ARHGAP44: variants seen among roughly 807,000 people sequenced by gnomAD.
ARHGAP44 encodes the protein Rho GTPase activating protein 44.
A neutral mutation model predicts 106.8 loss-of-function variants in ARHGAP44; 43 were observed. The observed-to-expected ratio is 0.40, with a 90% CI of 0.32 to 0.52. The LOEUF (loss-of-function observed/expected upper bound fraction) is 0.52, where lower values mean the gene tolerates loss of function less well. ARHGAP44 is among the 20% of genes least tolerant of loss of function. The probability of loss-of-function intolerance (pLI) is 0.48; values close to 1 mark genes in which losing one functional copy is unlikely to be tolerated. For synonymous variants in ARHGAP44, 439 were observed against 410.3 expected, an observed-to-expected ratio of 1.07 and a Z score of -0.85; for missense variants, 866 against 1,050.5, an observed-to-expected ratio of 0.82 and a Z score of 2.43.
chr17:12,850,530 C>T (rs1294379209), intron 1 of ARHGAP44, among the ~76,000 whole-genome samples: 1 of 152,142 alleles, frequency 6.6e-6, no homozygotes, highest in African/African-American at 2.4e-5. Context: ...CTTTCTCTTG[C>T]TCTGGCAAAG....
rs1417307080 is a variant in ARHGAP44, at chr17:12,841,594, T to TCTCTCTCTCTCTCACACACACACA, written c.53+51704_53+51705insTCTCTCTCTCTCACACACACACAC. 3.2e-4 allele frequency among the ~76,000 whole-genome samples: 41 copies of TCTCTCTCTCTCTCACACACACACA among 126,566 alleles called. 1 individual carries two copies. Among genetic ancestry groups the TCTCTCTCTCTCTCACACACACACA allele is most frequent in the East Asian group, 2.6e-3 (10 of 3,822 alleles). 83.0% of individuals were successfully genotyped at this position (126,566 alleles called of 152,430 possible). ...GAGACCCTGTCTCTCTGTCTCTCTC[T>TCTCTCTCTCTCTCACACACACACA]CACACACACACACACACACACACAC... On this transcript the variant is annotated intron_variant, in intron 1 of 20. Coordinates refer to ENST00000379672, the MANE Select transcript of ARHGAP44 (RefSeq NM_014859.6).
intron 1 of ARHGAP44, among the ~76,000 whole-genome samples, chr17:12,814,851 A>C (rs1294870708): frequency 2.0e-5 from 3 of 152,142 alleles, no homozygotes; most frequent in African/African-American, 7.2e-5. Flanking sequence ...AAAAAACCCC[A>C]AAAAACCCCC....
At chr17:12,930,783 A>G (rs1210487595) in intron 7 of ARHGAP44, among the ~76,000 whole-genome samples, 4 of 152,196 alleles carry the variant, frequency 2.6e-5, no homozygotes, top group South Asian at 2.1e-4. Context: ...GTTCAGCATA[A>G]TGAGTTAAAA....
At chr17:12,952,682 C>G (rs907277009) in intron 13 of ARHGAP44, 101 bp downstream of exon 13, 2 of 687,744 alleles carry the variant, frequency 2.9e-6, no homozygotes, top group African/African-American at 3.7e-5. Flanking sequence ...CCATGCATAG[C>G]ATTTTATGAT....
intron 8 of ARHGAP44, among the ~76,000 whole-genome samples, chr17:12,942,721 C>T (rs1261178502): frequency 6.6e-6 from 1 of 152,214 alleles, no homozygotes; most frequent in Non-Finnish European, 1.5e-5. Flanking sequence ...TTAATTTCCT[C>T]TGTTTTCCTT....
chr17:12,855,719 G>A (rs1244344643), intron 1 of ARHGAP44, among the ~76,000 whole-genome samples: 1 of 152,100 alleles, frequency 6.6e-6, no homozygotes, highest in African/African-American at 2.4e-5. Flanking sequence ...AAAATTGAGT[G>A]TCTGTCTACA....
At chr17:12,825,261 C>T (rs1322389700) in intron 1 of ARHGAP44, among the ~76,000 whole-genome samples, 1 of 152,090 alleles carries the variant, frequency 6.6e-6, no homozygotes, top group Non-Finnish European at 1.5e-5. Flanking sequence ...TGGTCTCGAT[C>T]TCCTGGACTC....
chr17:12,945,405 T>C (rs8076914), intron 10 of ARHGAP44, among the ~76,000 whole-genome samples: 18,311 of 152,220 alleles, frequency 0.12, 1,726 homozygotes, highest in African/African-American at 0.27. Context: ...TATTTTAATA[T>C]CTTTACTCCG....
intron 1 of ARHGAP44, among the ~76,000 whole-genome samples, chr17:12,882,205 G>T (rs190144197): frequency 2.4e-4 from 37 of 152,068 alleles, no homozygotes; most frequent in African/African-American, 7.7e-4. Context: ...TGAAGACATT[G>T]CTCATCTTTT....
chr17:12,847,784 C>T (rs1307611879), intron 1 of ARHGAP44, among the ~76,000 whole-genome samples: 2 of 151,886 alleles, frequency 1.3e-5, no homozygotes, highest in East Asian at 1.9e-4. Flanking sequence ...GGATTACAGG[C>T]GTGAGCCACC....
At chr17:12,936,276 G>A (rs1267871568) in intron 7 of ARHGAP44, among the ~76,000 whole-genome samples, 3 of 152,290 alleles carry the variant, frequency 2.0e-5, no homozygotes, top group East Asian at 3.9e-4. Context: ...TTTGACAAAT[G>A]TATGTGAATG....
At chr17:12,953,634 A>T (rs1454375984) in intron 13 of ARHGAP44, among the ~76,000 whole-genome samples, 1 of 152,242 alleles carries the variant, frequency 6.6e-6, no homozygotes, top group Admixed American at 6.5e-5. Flanking sequence ...CCGTCTACAG[A>T]TAAGTGGATA....
At chr17:12,921,521 AT>A (rs1365145458) in intron 6 of ARHGAP44, among the ~76,000 whole-genome samples, 3 of 151,948 alleles carry the variant, frequency 2.0e-5, no homozygotes, top group Non-Finnish European at 4.4e-5. Context: ...TAATTTTTTT[AT>A]TTTTAGTAGA....
chr17:12,844,913 A>G (rs1285213498), intron 1 of ARHGAP44, among the ~76,000 whole-genome samples: 2 of 152,166 alleles, frequency 1.3e-5, no homozygotes, highest in Admixed American at 6.5e-5. Flanking sequence ...AGCAGAACTG[A>G]CGTGTACTTT....
At chr17:12,957,215 C>T (rs1245008629) in intron 15 of ARHGAP44, among the ~76,000 whole-genome samples, 1 of 152,184 alleles carries the variant, frequency 6.6e-6, no homozygotes, top group Non-Finnish European at 1.5e-5. Flanking sequence ...GCCTCATCCT[C>T]CCAAAGTGCT....
rs756441402 is a variant in ARHGAP44 at position 12,975,729 on chromosome 17, C to T, written c.1763+1419C>T. On this transcript the variant is annotated intron_variant, in intron 18 of 20. Coordinates refer to ENST00000379672, the MANE Select transcript of ARHGAP44 (RefSeq NM_014859.6). Reference sequence around the variant, plus strand: ...AGGAGAATGGCGTGAACCCAGGAGGCGGAGCTTGCAGTGAGCCCGGATCGC... The same window carrying T: ...AGGAGAATGGCGTGAACCCAGGAGGTGGAGCTTGCAGTGAGCCCGGATCGC... Among the ~76,000 whole-genome samples, 7 of 130,544 alleles carry T rather than the reference C, an allele frequency of 5.4e-5. No homozygotes were observed. In the East Asian group the frequency reaches 1.2e-3, roughly 22 times the overall value. 85.6% of individuals were successfully genotyped at this position (130,544 alleles called of 152,430 possible). A position where few individuals can be genotyped will look rare whatever the true frequency, so the allele number is the denominator to read the frequency against.
intron 1 of ARHGAP44, among the ~76,000 whole-genome samples, chr17:12,834,014 G>A (rs1937646210): frequency 6.6e-6 from 1 of 151,510 alleles, no homozygotes; most frequent in Admixed American, 6.6e-5. Context: ...AAGGGAGGAG[G>A]GTATAATAAG....
chr17:12,914,082 C>G (rs571453360), intron 4 of ARHGAP44, among the ~76,000 whole-genome samples: 1 of 151,602 alleles, frequency 6.6e-6, no homozygotes, highest in Non-Finnish European at 1.5e-5. Flanking sequence ...CCTTCACACA[C>G]GTGTGTATAT....
At chr17:12,790,057 A>C in intron 1 of ARHGAP44, 166 bp downstream of exon 1, 4 of 566,638 alleles carry the variant, frequency 7.1e-6, no homozygotes, top group Non-Finnish European at 8.7e-6. Flanking sequence ...CTCCTCCCTA[A>C]CTTCCCAGAC....
Sources: gnomAD v4.1 joint callset for allele counts (sites outside exome capture counted in the v4.1 genomes callset) on GRCh38, gnomAD v4.1.1 for gene constraint, MANE v1.5 for transcripts, NCBI Gene and HGNC (gene_info 2026-07-23, HGNC 2026-07-21) for gene names.